TATDN1: variants seen among roughly 807,000 people sequenced by gnomAD.
TATDN1 encodes the protein deoxyribonuclease TATDN1.
A neutral mutation model predicts 46.4 loss-of-function variants in TATDN1; 40 were observed. The observed-to-expected ratio is 0.86, with a 90% CI of 0.67 to 1.12. The LOEUF (loss-of-function observed/expected upper bound fraction) is 1.12. TATDN1 is among the 50% of genes most tolerant of loss of function. The probability of loss-of-function intolerance (pLI) is 0.00; values close to 1 mark genes in which losing one functional copy is unlikely to be tolerated. For synonymous variants in TATDN1, 95 were observed against 105.6 expected (o/e 0.90, Z 0.62); for missense variants, 326 against 348.4 (o/e 0.94, Z 0.51).
intron 1 of TATDN1, chr8:124,523,250 T>C: frequency 2.2e-6 from 1 of 451,714 alleles, no homozygotes; most frequent in South Asian, 2.6e-5. Context: ...AATTATGAAA[T>C]ATTAGAAGTA....
At chr8:124,524,543 C>A (rs765902520) in intron 1 of TATDN1, among the ~76,000 whole-genome samples, 1 of 152,122 alleles carries the variant, frequency 6.6e-6, no homozygotes, top group Non-Finnish European at 1.5e-5. Flanking sequence ...CTAGGGTCAC[C>A]GATCATCACT....
At chr8:124,513,213 G>GT (rs1224778272) in intron 6 of TATDN1, among the ~76,000 whole-genome samples, 4 of 152,092 alleles carry the variant, frequency 2.6e-5, no homozygotes, top group East Asian at 1.9e-4. Flanking sequence ...GCACCCGGCT[G>GT]TTTTTTTAAC....
At chr8:124,521,077 A>G (rs1820005222) in intron 3 of TATDN1, among the ~76,000 whole-genome samples, 1 of 152,148 alleles carries the variant, frequency 6.6e-6, no homozygotes, top group Admixed American at 6.5e-5. Flanking sequence ...TTTAGCCTTC[A>G]TAACAACTCT....
intron 11 of TATDN1, chr8:124,491,029 C>G (rs1441682186): frequency 6.6e-6 from 1 of 152,226 alleles, no homozygotes; most frequent in African/African-American, 2.4e-5. Flanking sequence ...ACTGATCTGC[C>G]TGCCTCGGCC....
At chr8:124,532,676 C>A (rs1821071078) in intron 1 of TATDN1, among the ~76,000 whole-genome samples, 2 of 152,196 alleles carry the variant, frequency 1.3e-5, no homozygotes, top group South Asian at 4.1e-4. Flanking sequence ...CAAAGACATA[C>A]GTGCTGTCTG....
At chr8:124,498,803 A>C (rs1156417220) in intron 9 of TATDN1, among the ~76,000 whole-genome samples, 1 of 151,680 alleles carries the variant, frequency 6.6e-6, no homozygotes, top group Non-Finnish European at 1.5e-5. Context: ...GGCGCACACC[A>C]CCACACCCAG....
intron 3 of TATDN1, 75 bp from the exon 4 acceptor site, chr8:124,518,956 C>A: frequency 1.1e-6 from 1 of 930,220 alleles, no homozygotes; most frequent in South Asian, 1.4e-5. Context: ...TGCCTTCCTA[C>A]CACTTCCTTA....
chr8:124,526,743 A>C (rs950879746), intron 1 of TATDN1: 2 of 152,248 alleles, frequency 1.3e-5, no homozygotes, highest in African/African-American at 2.4e-5. Flanking sequence ...ACTGTTTGTA[A>C]CCAGGAGAAA....
At chr8:124,524,294 T>A (rs186868915) in intron 1 of TATDN1, among the ~76,000 whole-genome samples, 4 of 152,308 alleles carry the variant, frequency 2.6e-5, no homozygotes, top group Admixed American at 2.0e-4. Flanking sequence ...GGCACTAACA[T>A]GTCAACAAAG....
At chr8:124,528,277 C>T (rs1346672467) in intron 1 of TATDN1, among the ~76,000 whole-genome samples, 1 of 152,118 alleles carries the variant, frequency 6.6e-6, no homozygotes, top group Non-Finnish European at 1.5e-5. Context: ...AGGTTCACGC[C>T]ATTCCCCTGC....
intron 1 of TATDN1, among the ~76,000 whole-genome samples, chr8:124,532,623 A>G (rs1319711297): frequency 1.3e-5 from 2 of 152,214 alleles, no homozygotes; most frequent in Admixed American, 1.3e-4. Context: ...GGAAGTAAAA[A>G]ATCCTCTTTG....
intron 9 of TATDN1, among the ~76,000 whole-genome samples, chr8:124,497,291 T>C (rs900884007): frequency 2.3e-4 from 35 of 150,260 alleles, no homozygotes; most frequent in African/African-American, 7.3e-4. Flanking sequence ...TCTTCTTCTT[T>C]TTTTTTTTTT....
At chr8:124,495,623 T>C in intron 9 of TATDN1, 81 bp from the exon 10 acceptor site, 1 of 1,130,914 alleles carries the variant, frequency 8.8e-7, no homozygotes, top group Non-Finnish European at 1.3e-6. Flanking sequence ...TCTAAAATGC[T>C]ACAAAACCAA....
At chr8:124,501,131 C>T (rs1369675943) in intron 9 of TATDN1, among the ~76,000 whole-genome samples, 3 of 152,176 alleles carry the variant, frequency 2.0e-5, no homozygotes, top group South Asian at 2.1e-4. Flanking sequence ...GGAGTACAGG[C>T]GTCAGGCACA....
At chr8:124,517,977 C>G in intron 4 of TATDN1, among the ~76,000 whole-genome samples, 1 of 146,600 alleles carries the variant, frequency 6.8e-6, no homozygotes, top group East Asian at 2.0e-4. Flanking sequence ...TTTGGGAGGC[C>G]GAGGCAGGCG....
intron 6 of TATDN1, among the ~76,000 whole-genome samples, chr8:124,514,161 T>C (rs1037429596): frequency 9.2e-5 from 14 of 152,170 alleles, no homozygotes; most frequent in Non-Finnish European, 1.5e-4. Context: ...CTTCAGAACT[T>C]TGGAGCTTGA....
intron 9 of TATDN1, among the ~76,000 whole-genome samples, chr8:124,498,366 C>T (rs1384303462): frequency 5.9e-5 from 9 of 152,124 alleles, no homozygotes; most frequent in Non-Finnish European, 1.3e-4. Context: ...GATGTAAGCA[C>T]TCCAAGCCCT....
At chr8:124,524,786 T>C (rs1044545088) in intron 1 of TATDN1, among the ~76,000 whole-genome samples, 1 of 152,136 alleles carries the variant, frequency 6.6e-6, no homozygotes, top group African/African-American at 2.4e-5. Flanking sequence ...GATCAACAGA[T>C]GAAAAATTAC....
At chr8:124,492,819 T>A (rs1454278450) in intron 11 of TATDN1, among the ~76,000 whole-genome samples, 3 of 151,660 alleles carry the variant, frequency 2.0e-5, no homozygotes, top group Non-Finnish European at 4.4e-5. Context: ...TACTTACATT[T>A]CTTTATTTTT....
Sources: allele counts gnomAD v4.1 joint callset (sites outside exome capture counted in the v4.1 genomes callset), GRCh38; gene constraint gnomAD v4.1.1; transcripts MANE v1.5; gene names NCBI Gene and HGNC (gene_info 2026-07-23, HGNC 2026-07-21).